MEGF11: variants seen among roughly 807,000 people sequenced by gnomAD.
The protein encoded by MEGF11 is multiple epidermal growth factor-like domains protein 11.
In MEGF11, 126 loss-of-function variants were observed where a neutral mutation model predicts 146.6. The ratio of observed to expected loss-of-function variants is 0.86; its 90% CI spans 0.74 to 1.00. MEGF11 has a LOEUF of 1.00. Among genes scored for constraint, MEGF11 ranks in the 50% least tolerant of loss-of-function variants. The pLI is 0.00. For synonymous variants in MEGF11, 532 were observed against 583.4 expected, an observed-to-expected ratio of 0.91 and a Z score of 1.27; for missense variants, 1,509 against 1,521.2, an observed-to-expected ratio of 0.99 and a Z score of 0.13.
At chr15:65,911,478 C>T (rs567167248) in intron 21 of MEGF11, among the ~76,000 whole-genome samples, 1 of 152,294 alleles carries the variant, frequency 6.6e-6, no homozygotes, top group East Asian at 1.9e-4. Flanking sequence ...GTGGCGTGAT[C>T]TCAGCTCACG....
chr15:66,112,499 C>T (rs969019847), intron 4 of MEGF11, among the ~76,000 whole-genome samples: 35 of 152,154 alleles, frequency 2.3e-4, no homozygotes, highest in East Asian at 7.7e-4. Context: ...AGATGGAATA[C>T]GAGGATCCAA....
intron 1 of MEGF11, among the ~76,000 whole-genome samples, chr15:66,151,135 T>C (rs781610467): frequency 2.6e-5 from 4 of 152,062 alleles, no homozygotes; most frequent in Non-Finnish European, 4.4e-5. Flanking sequence ...GAGAGGAGTG[T>C]CCTGACCAGC....
intron 1 of MEGF11, among the ~76,000 whole-genome samples, chr15:66,210,775 A>G (rs1160325407): frequency 1.3e-5 from 2 of 152,220 alleles, no homozygotes; most frequent in Non-Finnish European, 2.9e-5. Flanking sequence ...TCCTCCTCTC[A>G]GGAGCAGGAA....
At chr15:66,151,412 C>T (rs1420495004) in intron 1 of MEGF11, among the ~76,000 whole-genome samples, 1 of 152,150 alleles carries the variant, frequency 6.6e-6, no homozygotes, top group Non-Finnish European at 1.5e-5. Flanking sequence ...GGGAGAGAAC[C>T]CTGAGTGTGG....
intron 1 of MEGF11, among the ~76,000 whole-genome samples, chr15:66,241,604 C>CT (rs962772088): frequency 3.3e-5 from 5 of 152,070 alleles, no homozygotes; most frequent in Admixed American, 1.3e-4. Context: ...CTGCAGGAGG[C>CT]TTTTTTGCGG....
chr15:65,942,054 A>G (rs769199599), intron 10 of MEGF11, among the ~76,000 whole-genome samples: 6 of 152,106 alleles, frequency 3.9e-5, no homozygotes, highest in Non-Finnish European at 8.8e-5. Flanking sequence ...CCCTTCCTAG[A>G]GAGAGAACTA....
chr15:66,012,168 G>A (rs1018109308), intron 5 of MEGF11, among the ~76,000 whole-genome samples: 3 of 152,056 alleles, frequency 2.0e-5, no homozygotes, highest in South Asian at 2.1e-4. Context: ...AGACCAACCT[G>A]GGCAACATTG....
At chr15:66,163,445 A>G (rs1464490284) in intron 1 of MEGF11, among the ~76,000 whole-genome samples, 1 of 152,170 alleles carries the variant, frequency 6.6e-6, no homozygotes, top group Non-Finnish European at 1.5e-5. Context: ...TGGACTGGGC[A>G]GGTAGATAGT....
intron 5 of MEGF11, among the ~76,000 whole-genome samples, chr15:66,035,371 T>G (rs1010603445): frequency 2.6e-5 from 4 of 152,234 alleles, no homozygotes; most frequent in African/African-American, 9.6e-5. Context: ...CTGCACAATG[T>G]GGCCTCACCT....
intron 1 of MEGF11, among the ~76,000 whole-genome samples, chr15:66,191,294 A>G (rs551619420): frequency 3.3e-4 from 50 of 152,342 alleles, no homozygotes; most frequent in African/African-American, 1.1e-3. Context: ...GATTATCGAC[A>G]CATTCTCAAG....
At chr15:66,197,496 C>G (rs1272460795) in intron 1 of MEGF11, among the ~76,000 whole-genome samples, 1 of 152,162 alleles carries the variant, frequency 6.6e-6, no homozygotes, top group Non-Finnish European at 1.5e-5. Context: ...GATCTCAACT[C>G]ACTACAACCT....
At chr15:66,015,820 G>A (rs773526147) in intron 5 of MEGF11, among the ~76,000 whole-genome samples, 19 of 147,900 alleles carry the variant, frequency 1.3e-4, no homozygotes, top group Non-Finnish European at 1.0e-4. Context: ...CTGAGAGGAC[G>A]ATGAGAAGAT....
chr15:66,062,687 T>C (rs917431373), intron 5 of MEGF11, among the ~76,000 whole-genome samples: 2 of 152,204 alleles, frequency 1.3e-5, no homozygotes, highest in African/African-American at 4.8e-5. Flanking sequence ...AATGTGGGTA[T>C]TTTATGCTAC....
intron 1 of MEGF11, among the ~76,000 whole-genome samples, chr15:66,172,285 T>C (rs1174192887): frequency 6.6e-6 from 1 of 152,112 alleles, no homozygotes; most frequent in African/African-American, 2.4e-5. Flanking sequence ...TCACCCTGCC[T>C]CCCTCCAGGA....
chr15:66,101,891 T>C (rs1176485062), intron 4 of MEGF11, among the ~76,000 whole-genome samples: 1 of 152,228 alleles, frequency 6.6e-6, no homozygotes, highest in Non-Finnish European at 1.5e-5. Context: ...TCTGAAGCCC[T>C]GGGGGCCCTC....
intron 1 of MEGF11, among the ~76,000 whole-genome samples, chr15:66,137,272 T>A (rs2088928348): frequency 6.6e-6 from 1 of 152,236 alleles, no homozygotes; most frequent in Admixed American, 6.5e-5. Flanking sequence ...CATTAGTATT[T>A]CTTACAAAGA....
intron 1 of MEGF11, among the ~76,000 whole-genome samples, chr15:66,201,558 G>A: frequency 6.6e-6 from 1 of 151,946 alleles, no homozygotes; most frequent in Non-Finnish European, 1.5e-5. Context: ...AGCTAGAAAG[G>A]AAAGTGTAAC....
At chr15:66,014,749 G>A (rs894986471) in intron 5 of MEGF11, among the ~76,000 whole-genome samples, 6 of 152,120 alleles carry the variant, frequency 3.9e-5, no homozygotes, top group Non-Finnish European at 2.9e-5. Context: ...AGAACTCTCC[G>A]CTTTCATCAT....
chr15:66,103,214 C>T (rs957858406), intron 4 of MEGF11, among the ~76,000 whole-genome samples: 1 of 152,224 alleles, frequency 6.6e-6, no homozygotes, highest in African/African-American at 2.4e-5. Context: ...ATCTGTCCCT[C>T]CTCAACCTCC....
Sources: gnomAD v4.1 joint callset for allele counts (sites outside exome capture counted in the v4.1 genomes callset) on GRCh38, gnomAD v4.1.1 for gene constraint, MANE v1.5 for transcripts, NCBI Gene and HGNC (gene_info 2026-07-23, HGNC 2026-07-21) for gene names.